The following FAT3 variants were observed in gnomAD, a reference collection of about 807,000 sequenced individuals.
FAT3 encodes the protein FAT atypical cadherin 3.
In FAT3, 95 loss-of-function variants were observed where a neutral mutation model predicts 310.2. That is an observed-to-expected ratio of 0.31 (90% CI 0.26 to 0.36). FAT3 has a LOEUF of 0.36. FAT3 is among the 10% of genes least tolerant of loss of function. FAT3 has a pLI of 1.00. For missense variants in FAT3, 5,408 were observed against 5,715.6 expected (o/e 0.95, Z 1.74); for synonymous variants, 2,314 against 2,192.9 (o/e 1.06, Z -1.54).
intron 2 of FAT3, chr11:92,367,048 C>T (rs368958180): frequency 2.8e-5 from 14 of 499,636 alleles, no homozygotes; most frequent in African/African-American, 1.2e-4. Context: ...TAGCACTGTC[C>T]GGACGGTCCA....
In FAT3 at chr11:92,514,140, TA is replaced by T. The variant is rs547122788; in HGVS notation, c.3293-10493del. On this transcript the variant is annotated intron_variant, in intron 2 of 27. Coordinates refer to ENST00000525166, the MANE Select transcript of FAT3 (RefSeq NM_001367949.2). The stretch of plus-strand genomic sequence containing the variant: ...GTGAATAAAAATTAATTAAAACAAA[TA>T]TGTGTTTCATGCTGGAATTAAATAA... Among the ~76,000 whole-genome samples the T allele has an allele frequency of 5.9e-5, 9 of 152,300 alleles. No individual in the cohort carries two copies. The South Asian group carries it at 1.9e-3, about 32-fold the overall frequency.
At chr11:92,277,826 TG>T (rs1946315497) in intron 1 of FAT3, among the ~76,000 whole-genome samples, 1 of 151,894 alleles carries the variant, frequency 6.6e-6, no homozygotes, top group African/African-American at 2.4e-5. Context: ...GTAACAAACC[TG>T]TACATGTAAC....
chr11:92,309,341 T>C (rs1021524863), intron 1 of FAT3, among the ~76,000 whole-genome samples: 4 of 141,256 alleles, frequency 2.8e-5, no homozygotes, highest in Non-Finnish European at 6.1e-5. Context: ...TCCCTGTCCA[T>C]ACATTGGTGC....
At chr11:92,389,636 G>T (rs12792983) in intron 2 of FAT3, among the ~76,000 whole-genome samples, 1 of 152,040 alleles carries the variant, frequency 6.6e-6, no homozygotes, top group Non-Finnish European at 1.5e-5. Context: ...TGTGTTGTAT[G>T]GATGTGGCTT....
In FAT3 at chr11:92,798,520, T is replaced by C; in HGVS notation, c.5507T>C (p.Ile1836Thr). ...VDSSTGAIRT[I>T]ANLDHETIAH... ...TCCAGTACAGGTGCAATCAGAACAA[T>C]TGCCAACCTGGACCATGAAACCATT... The change falls in exon 10 of 28, where the codon ATT becomes ACT. Residue 1836 changes from isoleucine (I) to threonine (T), a missense_variant. Transcript: ENST00000525166. The C allele has an allele frequency of 6.2e-7, 1 of 1,613,788 alleles. No homozygotes were observed.
chr11:92,607,041 A>C (rs1174018875), intron 3 of FAT3, among the ~76,000 whole-genome samples: 5 of 152,202 alleles, frequency 3.3e-5, no homozygotes, highest in Admixed American at 3.3e-4. Context: ...ATGAATAGAT[A>C]TCACTAACCA....
Position 92,870,481 on chromosome 11 carries a change from G to A in FAT3, c.12127+3272G>A, listed in dbSNP as rs77270631. Among the ~76,000 whole-genome samples, 1,128 of 152,148 alleles carry A rather than the reference G, an allele frequency of 7.4e-3. 15 individuals are homozygous for A. The highest frequency in any genetic ancestry group is 0.026 in the African/African-American group (1,079 of 41,496). On this transcript the variant is annotated intron_variant, in intron 22 of 27. Transcript: ENST00000525166. ...TCTCGGTAAAGCCTTAAAATTATATGTATTTCATAAACATGAACTGGAAAT... is the reference window on the plus strand; with the variant it reads ...TCTCGGTAAAGCCTTAAAATTATATATATTTCATAAACATGAACTGGAAAT...
In FAT3 at chr11:92,800,990, G is replaced by T; in HGVS notation, c.7977G>T (p.Trp2659Cys). 1 of 1,613,466 alleles carries T rather than the reference G, an allele frequency of 6.2e-7. No individual in the cohort carries two copies. The highest frequency in any genetic ancestry group is 8.5e-7 in the Non-Finnish European group (1 of 1,179,712). Residue 2659 changes from tryptophan (W) to cysteine (C), a missense_variant, in exon 10 of 28, where the codon TGG becomes TGT. Trp to Cys is a radical substitution (Grantham distance 215). Coordinates refer to ENST00000525166, the MANE Select transcript of FAT3 (RefSeq NM_001367949.2). ...TGGAAATCGATCCTGACAATGGCTG[G>T]ATGGTCACAAAGGGTAATTTTAACC... The part of the protein sequence containing the change: ...DLLEIDPDNG[W>C]MVTKGNFNQL...
intron 4 of FAT3, among the ~76,000 whole-genome samples, chr11:92,718,643 C>A (rs1423967914): frequency 6.6e-6 from 1 of 152,074 alleles, no homozygotes; most frequent in African/African-American, 2.4e-5. Context: ...TTTCTCTACC[C>A]TCTCCATCCT....
intron 2 of FAT3, among the ~76,000 whole-genome samples, chr11:92,447,215 A>ATGTGTGTG (rs369295353): frequency 1.3e-4 from 16 of 123,006 alleles, no homozygotes; most frequent in African/African-American, 4.8e-4. Flanking sequence ...GTGTATGTAT[A>ATGTGTGTG]TGTGTGCGTG....
At chr11:92,451,381 A>G (rs963072713) in intron 2 of FAT3, among the ~76,000 whole-genome samples, 8 of 152,142 alleles carry the variant, frequency 5.3e-5, no homozygotes, top group Non-Finnish European at 1.0e-4. Flanking sequence ...GATTCCCTTG[A>G]GCGAGTGTTA....
intron 4 of FAT3, among the ~76,000 whole-genome samples, chr11:92,738,096 A>C (rs1945404192): frequency 6.6e-6 from 1 of 152,176 alleles, no homozygotes; most frequent in Non-Finnish European, 1.5e-5. Context: ...ATTTCATGAG[A>C]ATTAAAGGTC....
At chr11:92,876,183 C>A (rs1450943154) in intron 22 of FAT3, among the ~76,000 whole-genome samples, 1 of 152,138 alleles carries the variant, frequency 6.6e-6, no homozygotes, top group African/African-American at 2.4e-5. Context: ...GACTTCCCTC[C>A]CCATCATTGA....
At chr11:92,417,657 A>T (rs1012455198) in intron 2 of FAT3, among the ~76,000 whole-genome samples, 8 of 152,310 alleles carry the variant, frequency 5.3e-5, no homozygotes, top group Admixed American at 4.6e-4. Flanking sequence ...ACACAATGGA[A>T]AATATACTGG....
chr11:92,873,278 C>G (rs1045520169), intron 22 of FAT3, among the ~76,000 whole-genome samples: 1 of 152,156 alleles, frequency 6.6e-6, no homozygotes, highest in African/African-American at 2.4e-5. Context: ...AACTTGTACC[C>G]AGTGCCTCAC....
At chr11:92,299,445 G>A (rs928885875) in intron 1 of FAT3, among the ~76,000 whole-genome samples, 10 of 152,062 alleles carry the variant, frequency 6.6e-5, no homozygotes, top group Admixed American at 6.6e-4. Context: ...AGACTTTCTT[G>A]CCCTTTCCAA....
At chr11:92,712,566 C>T (rs1944557479) in intron 4 of FAT3, among the ~76,000 whole-genome samples, 1 of 150,110 alleles carries the variant, frequency 6.7e-6, no homozygotes, top group South Asian at 2.1e-4. Context: ...TTATTAGACT[C>T]TAAGTAAATA....
intron 16 of FAT3, 28 bp downstream of exon 16, chr11:92,836,731 C>T (rs755972752): frequency 6.2e-7 from 1 of 1,600,456 alleles, no homozygotes; most frequent in Non-Finnish European, 8.5e-7. Flanking sequence ...AGTTTCCTTC[C>T]CATCCACATC....
In FAT3 at chr11:92,890,665, A is replaced by G. The variant is rs1345462080; in HGVS notation, c.13322A>G (p.His4441Arg). The change falls in exon 28 of 28, where the codon CAT (histidine) becomes CGT (arginine). Residue 4441 changes from histidine to arginine, a missense_variant. This residue lies in a region of FAT3 where 649 missense variants were observed against 666.2 expected (regional missense o/e 0.97). Coordinates refer to ENST00000525166, the MANE Select transcript of FAT3 (RefSeq NM_001367949.2). ...ATTGACAGTGAATACCCACCCCCTC[A>G]TGAAGAGGAGTTCTTGAGTCAGGAC... ...YDIDSEYPPP[H>R]EEEFLSQDQL... The G allele has an allele frequency of 6.2e-7, 1 of 1,613,792 alleles. No homozygotes were observed. Among genetic ancestry groups the G allele is most frequent in the African/African-American group, 1.3e-5 (1 of 74,994 alleles).
Sources: allele counts gnomAD v4.1 joint callset (sites outside exome capture counted in the v4.1 genomes callset), GRCh38; gene constraint gnomAD v4.1.1; regional missense constraint gnomAD v4.1.1; transcripts MANE v1.5; gene names NCBI Gene and HGNC (gene_info 2026-07-23, HGNC 2026-07-21).